PPM1B: variants seen among roughly 807,000 people sequenced by gnomAD.
PPM1B encodes the protein protein phosphatase, Mg2+/Mn2+ dependent 1B.
Under a neutral mutation model 43.0 loss-of-function variants are expected in PPM1B, and 22 were observed. The observed-to-expected ratio is 0.51, with a 90% CI of 0.37 to 0.73. The LOEUF (loss-of-function observed/expected upper bound fraction) is 0.73, where lower values mean the gene tolerates loss of function less well. Among genes scored for constraint, PPM1B ranks in the 30% least tolerant of loss-of-function variants. PPM1B has a pLI of 0.00. For missense variants in PPM1B, 632 were observed against 584.2 expected (o/e 1.08, Z -0.84); for synonymous variants, 217 against 197.9 (o/e 1.10, Z -0.81).
downstream of PPM1B, among the ~76,000 whole-genome samples, chr2:44,238,797 C>T (rs751302128): frequency 1.8e-4 from 28 of 151,916 alleles, no homozygotes; most frequent in Non-Finnish European, 2.9e-4. Flanking sequence ...TTTTAAAATG[C>T]GAAGTCTTCA....
chr2:44,203,116 GCCCAGATTTTGGTTAAATA>G (rs1669016819), intron 2 of PPM1B, among the ~76,000 whole-genome samples: 1 of 152,156 alleles, frequency 6.6e-6, no homozygotes, highest in African/African-American at 2.4e-5. Flanking sequence ...CTCTGGAAAT[GCCCAGATTTTGGTTAAATA>G]CCGATTTCTT....
chr2:44,217,474 C>T (rs1669776204), intron 3 of PPM1B, among the ~76,000 whole-genome samples: 2 of 151,182 alleles, frequency 1.3e-5, no homozygotes, highest in African/African-American at 4.8e-5. Context: ...TTTAATTTCT[C>T]CCCTTTTTCT....
At chr2:44,239,120 G>A (rs1010595781), downstream of PPM1B, among the ~76,000 whole-genome samples, 2 of 143,510 alleles carry the variant, frequency 1.4e-5, no homozygotes, top group African/African-American at 5.2e-5. Flanking sequence ...TCTGCAGTGA[G>A]CTACAAATGG....
chr2:44,204,720 G>C (rs1033880416), intron 2 of PPM1B, among the ~76,000 whole-genome samples: 1 of 151,826 alleles, frequency 6.6e-6, no homozygotes, highest in African/African-American at 2.4e-5. Flanking sequence ...TCGGCCGGGC[G>C]TTGTGGTGGG....
In PPM1B at chr2:44,202,135, T is replaced by G. The variant is rs115274428; in HGVS notation, c.846+90T>G. 1.8e-3 allele frequency: 2,247 copies of G among 1,272,130 alleles called. 25 individuals carry two copies. In the African/African-American group the frequency reaches 0.027, roughly 16 times the overall value. 78.8% of individuals were successfully genotyped at this position (1,272,130 alleles called of 1,614,324 possible). On this transcript the variant is annotated intron_variant, in intron 2 of 5. Coordinates refer to ENST00000282412, the MANE Select transcript of PPM1B (RefSeq NM_002706.6). ...AAGCTAACTTAAAATTTTAAAACTT[T>G]TAATATTTTCACAGAAGCTGTATAT... is the stretch of plus-strand genomic sequence containing the variant.
intron 5 of PPM1B, chr2:44,218,780 G>T: frequency 6.7e-6 from 3 of 450,872 alleles, no homozygotes; most frequent in Non-Finnish European, 1.2e-5. Context: ...TTTTTTGTTT[G>T]GGCTGTCTTT....
intron 3 of PPM1B, among the ~76,000 whole-genome samples, chr2:44,217,546 T>G (rs1394593562): frequency 4.6e-5 from 7 of 152,216 alleles, no homozygotes; most frequent in African/African-American, 1.7e-4. Context: ...AACTTTTATA[T>G]TGTTTTTACT....
chr2:44,201,588 G>C lies in PPM1B; in HGVS notation c.389G>C (p.Ser130Thr), dbSNP rs1668940286. Residue 130 changes from serine (S) to threonine (T), a missense_variant, in exon 2 of 6, where the codon AGT becomes ACT. This residue lies in a region of PPM1B where 200 missense variants were observed against 200.7 expected (regional missense o/e 1.00). Coordinates refer to ENST00000282412, the MANE Select transcript of PPM1B (RefSeq NM_002706.6). This position sits in a 1 kb window ranked among gnomAD's most constrained non-coding sequence, Gnocchi z 5.4. ...GACCTCAGAAACGGGATGGACAGGA[G>C]TGGTTCAACTGCAGTGGGAGTTATG... ...FSDLRNGMDRSGSTAVGVMIS... is the reference protein window; with the variant it reads ...FSDLRNGMDRTGSTAVGVMIS... The C allele has an allele frequency of 6.2e-7, 1 of 1,614,188 alleles. No homozygotes were observed. Among genetic ancestry groups the C allele is most frequent in the Non-Finnish European group, 8.5e-7 (1 of 1,180,038 alleles).
At chr2:44,173,031 G>T (rs141783670) in intron 1 of PPM1B, among the ~76,000 whole-genome samples, 14 of 152,302 alleles carry the variant, frequency 9.2e-5, no homozygotes, top group Non-Finnish European at 1.6e-4. Context: ...ACTAACAAGC[G>T]TGGCCAGGCG....
intron 3 of PPM1B, among the ~76,000 whole-genome samples, chr2:44,211,706 A>T (rs1032366857): frequency 6.7e-6 from 1 of 150,000 alleles, no homozygotes; most frequent in African/African-American, 2.4e-5. Flanking sequence ...TTTTTGCCTG[A>T]AGAATGATAG....
intron 1 of PPM1B, among the ~76,000 whole-genome samples, chr2:44,181,906 C>T (rs141647680): frequency 2.0e-4 from 30 of 152,210 alleles, no homozygotes; most frequent in African/African-American, 7.2e-4. Context: ...CTTGGGACCC[C>T]ACTTCCCTTT....
chr2:44,225,610 C>T (rs147438857), intron 5 of PPM1B, among the ~76,000 whole-genome samples: 44 of 152,290 alleles, frequency 2.9e-4, no homozygotes, highest in Admixed American at 6.5e-4. Flanking sequence ...CATTGCAAAT[C>T]CGTGTCTACT....
At chr2:44,187,045 G>C (rs530563853) in intron 1 of PPM1B, among the ~76,000 whole-genome samples, 1 of 152,206 alleles carries the variant, frequency 6.6e-6, no homozygotes. Context: ...TTTTCATCTT[G>C]CAAAACTGAA....
chr2:44,183,959 C>T (rs1196677570), intron 1 of PPM1B, among the ~76,000 whole-genome samples: 3 of 152,094 alleles, frequency 2.0e-5, no homozygotes, highest in East Asian at 3.9e-4. Context: ...AGTATGGTCT[C>T]GATCTCCTGA....
intron 1 of PPM1B, among the ~76,000 whole-genome samples, chr2:44,186,373 G>A (rs957168607): frequency 1.3e-5 from 2 of 152,044 alleles, no homozygotes; most frequent in African/African-American, 4.8e-5. Context: ...ATGTGTACAA[G>A]CTTTTTTTCT....
chr2:44,195,154 A>G (rs1031989094), intron 1 of PPM1B, among the ~76,000 whole-genome samples: 7 of 151,420 alleles, frequency 4.6e-5, no homozygotes, highest in African/African-American at 1.5e-4. Context: ...CGGCCTCCCA[A>G]AGTGCTGGGA....
intron 1 of PPM1B, among the ~76,000 whole-genome samples, chr2:44,194,283 G>A (rs1162234948): frequency 2.0e-5 from 3 of 152,124 alleles, no homozygotes; most frequent in African/African-American, 7.2e-5. Context: ...GCCTCGCTGT[G>A]GGATGATTGT....
intron 1 of PPM1B, among the ~76,000 whole-genome samples, chr2:44,197,751 C>T (rs1212156425): frequency 6.6e-6 from 1 of 152,074 alleles, no homozygotes; most frequent in Non-Finnish European, 1.5e-5. Flanking sequence ...TCTGGATACC[C>T]TAGGTATCCC....
intron 2 of PPM1B, among the ~76,000 whole-genome samples, chr2:44,207,554 G>C (rs182850343): frequency 6.6e-5 from 10 of 152,096 alleles, no homozygotes; most frequent in Middle Eastern, 3.4e-3. Flanking sequence ...ATAATCTCAT[G>C]GTACTAGAGT....
Sources: allele counts gnomAD v4.1 joint callset (sites outside exome capture counted in the v4.1 genomes callset), GRCh38; gene constraint gnomAD v4.1.1; regional missense constraint gnomAD v4.1.1; non-coding constraint Gnocchi (gnomAD v3.1); transcripts MANE v1.5; gene names NCBI Gene and HGNC (gene_info 2026-07-23, HGNC 2026-07-21).